UBE3C: variants seen among roughly 807,000 people sequenced by gnomAD.
UBE3C encodes ubiquitin-protein ligase E3C.
In UBE3C, 42 loss-of-function variants were observed where a neutral mutation model predicts 129.4. The ratio of observed to expected loss-of-function variants is 0.32; its 90% CI spans 0.25 to 0.42. The LOEUF (loss-of-function observed/expected upper bound fraction) is 0.42. Among genes scored for constraint, UBE3C ranks in the 10% least tolerant of loss-of-function variants. The pLI is 1.00. For synonymous variants in UBE3C, 510 were observed against 492.4 expected (o/e 1.04, Z -0.47); for missense variants, 1,049 against 1,319.1 (o/e 0.80, Z 3.17).
At chr7:157,203,347 G>T (rs1809343903) in intron 11 of UBE3C, among the ~76,000 whole-genome samples, 1 of 152,166 alleles carries the variant, frequency 6.6e-6, no homozygotes. Context: ...ACTGTCTTGA[G>T]AAATTCTTTT....
At chr7:157,242,520 T>TTTG (rs1563071703) in intron 18 of UBE3C, among the ~76,000 whole-genome samples, 67 of 142,420 alleles carry the variant, frequency 4.7e-4, no homozygotes, top group African/African-American at 1.7e-3. Context: ...AGTTGTTTTT[T>TTTG]TTTTTTTTTT....
At chr7:157,154,821 A>G (rs1807857925) in intron 1 of UBE3C, among the ~76,000 whole-genome samples, 1 of 152,192 alleles carries the variant, frequency 6.6e-6, no homozygotes, top group Non-Finnish European at 1.5e-5. Context: ...GTCAGACTTT[A>G]TTTTTAAAAA....
intron 22 of UBE3C, among the ~76,000 whole-genome samples, chr7:157,261,158 C>A (rs1796895235): frequency 6.6e-6 from 1 of 151,466 alleles, no homozygotes; most frequent in African/African-American, 2.4e-5. Context: ...AAAAAAAAAT[C>A]AGCCGGGCAT....
At chr7:157,168,503 A>G (rs374201495) in intron 2 of UBE3C, among the ~76,000 whole-genome samples, 3 of 152,366 alleles carry the variant, frequency 2.0e-5, no homozygotes, top group East Asian at 3.9e-4. Context: ...TGTTCATAGC[A>G]GCCTTAATTC....
intron 2 of UBE3C, among the ~76,000 whole-genome samples, chr7:157,166,954 A>G (rs1424063298): frequency 6.6e-6 from 1 of 150,928 alleles, no homozygotes; most frequent in Non-Finnish European, 1.5e-5. Flanking sequence ...TTTTGAGACA[A>G]AGTCTTGCTC....
chr7:157,258,880 C>G (rs1359776630), intron 22 of UBE3C, among the ~76,000 whole-genome samples: 1 of 152,164 alleles, frequency 6.6e-6, no homozygotes, highest in East Asian at 1.9e-4. Flanking sequence ...CCGCACTGAC[C>G]AATTGTTAAC....
chr7:157,206,070 A>C (rs1261893847), intron 11 of UBE3C, among the ~76,000 whole-genome samples: 1 of 152,158 alleles, frequency 6.6e-6, no homozygotes, highest in Non-Finnish European at 1.5e-5. Context: ...TAAGAGAGTG[A>C]TCTTGCTCAC....
chr7:157,253,908 T>G (rs1262603212), intron 19 of UBE3C, 46 bp from the exon 20 acceptor site: 2 of 1,505,464 alleles, frequency 1.3e-6, no homozygotes, highest in Non-Finnish European at 9.0e-7. Flanking sequence ...TTTAACCTAT[T>G]ATCATACTTT....
At chr7:157,195,530 G>T (rs919837647) in intron 10 of UBE3C, among the ~76,000 whole-genome samples, 1 of 152,150 alleles carries the variant, frequency 6.6e-6, no homozygotes, top group Admixed American at 6.5e-5. Flanking sequence ...GGTGCTGATG[G>T]CTCCTTTTTT....
chr7:157,230,906 C>T (rs553492965), intron 17 of UBE3C, among the ~76,000 whole-genome samples, 174 bp from the exon 18 acceptor site: 4 of 152,162 alleles, frequency 2.6e-5, no homozygotes, highest in African/African-American at 9.6e-5. Flanking sequence ...GCCTGGGTGA[C>T]GGAGCAAGAC....
rs1364883111 is a variant in UBE3C at position 157,248,529 on chromosome 7, G to A, written c.2643G>A (p.Glu881=). ...TGAAGAGCTACGAAGACGATGTGGA[G>A]GAGCTTGGGCTGAACTTCACTGTGG... ...LFLKSYEDDV[E]ELGLNFTVVN... The change falls in exon 19 of 23, where the codon GAG becomes GAA. Residue 881 remains glutamate, a synonymous_variant. Coordinates refer to ENST00000348165, the MANE Select transcript of UBE3C (RefSeq NM_014671.3). 1 of 1,612,878 alleles carries A rather than the reference G, an allele frequency of 6.2e-7. No individual in the cohort carries two copies. Among genetic ancestry groups the A allele is most frequent in the African/African-American group, 1.3e-5 (1 of 74,886 alleles).
chr7:157,182,324 T>C lies in UBE3C; in HGVS notation c.987T>C (p.Tyr329=), dbSNP rs757675928. The C allele has an allele frequency of 3.1e-6, 5 of 1,613,226 alleles. No homozygotes were observed. The highest frequency in any genetic ancestry group is 4.2e-6 in the Non-Finnish European group (5 of 1,179,846). The change falls in exon 8 of 23, where the codon TAT becomes TAC. Residue 329 remains tyrosine (Y), a synonymous_variant. Transcript: ENST00000348165. ...TCGTTTTAACTGTTGGCGAAAATTA[T>C]TTGGGTATGAAATACAAGATCTTTT... The part of the protein sequence containing the change: ...FYFVLTVGEN[Y]LGALSEEGLL...
intron 17 of UBE3C, among the ~76,000 whole-genome samples, chr7:157,230,464 A>G (rs796473608): frequency 7.2e-5 from 11 of 151,920 alleles, no homozygotes; most frequent in African/African-American, 2.7e-4. Context: ...TGGGAAGCCA[A>G]GGCGGGCAGA....
At chr7:157,201,078 C>A (rs990497547) in intron 10 of UBE3C, among the ~76,000 whole-genome samples, 1 of 152,146 alleles carries the variant, frequency 6.6e-6, no homozygotes, top group South Asian at 2.1e-4. Context: ...AATCCCAGCA[C>A]TTTGGGATGC....
intron 16 of UBE3C, among the ~76,000 whole-genome samples, chr7:157,224,719 A>G (rs1795827566): frequency 6.6e-6 from 1 of 151,900 alleles, no homozygotes; most frequent in South Asian, 2.1e-4. Context: ...TGGTGAACAA[A>G]AGAGTTTCTT....
At chr7:157,152,043 T>C (rs1236266128) in intron 1 of UBE3C, among the ~76,000 whole-genome samples, 1 of 152,166 alleles carries the variant, frequency 6.6e-6, no homozygotes, top group Non-Finnish European at 1.5e-5. Context: ...CTTAGGACTA[T>C]TTACATATTA....
rs71189989 is a variant in UBE3C at position 157,217,322 on chromosome 7, AT to A, written c.1914+363del. 8.7e-3 allele frequency: 1,349 copies of A among 155,206 alleles called. 2 individuals are homozygous for A. The highest frequency in any genetic ancestry group is 0.017 in the Middle Eastern group (5 of 302). 9.6% of individuals were successfully genotyped at this position (155,206 alleles called of 1,614,324 possible). On this transcript the variant is annotated intron_variant, in intron 14 of 22. Transcript: ENST00000348165. ...ATAGATCTTATACCTAATTTTTGTG[AT>A]TTTTTTTTTTTGAGACGGAATCTTG...
At chr7:157,225,074 G>A (rs912947164) in intron 16 of UBE3C, among the ~76,000 whole-genome samples, 2 of 151,984 alleles carry the variant, frequency 1.3e-5, no homozygotes, top group African/African-American at 4.8e-5. Context: ...GAGTGCAGTG[G>A]CGCCTGCAAC....
Position 157,139,177 on chromosome 7 carries a change from GC to G in UBE3C, c.-95del. 1.1e-6 allele frequency: 1 copy of G among 900,966 alleles called. No individual in the cohort carries two copies. The highest frequency in any genetic ancestry group is 1.4e-6 in the Non-Finnish European group (1 of 735,296). The allele number at this position is 900,966 out of a possible 1,614,324, so 55.8% of individuals were successfully genotyped here. A position where few individuals can be genotyped will look rare whatever the true frequency, so the allele number is the denominator to read the frequency against. On this transcript the variant is annotated 5_prime_UTR_variant, in exon 1 of 23. The change abolishes the stop of an existing upstream ORF in the 5' untranslated region. Coordinates refer to ENST00000348165, the MANE Select transcript of UBE3C (RefSeq NM_014671.3). ...CCGCGTCCTCGCTGCCCCGGGCCGG[GC>G]GGGCGGGCGCCGAGAGCCTCCCAGC...
Sources: gnomAD v4.1 joint callset for allele counts (sites outside exome capture counted in the v4.1 genomes callset) on GRCh38, gnomAD v4.1.1 for gene constraint, MANE v1.5 for transcripts, NCBI Gene and HGNC (gene_info 2026-07-23, HGNC 2026-07-21) for gene names.